PRMT3: variants seen among roughly 807,000 people sequenced by gnomAD.
The protein encoded by PRMT3 is protein arginine methyltransferase 3.
A neutral mutation model predicts 71.9 loss-of-function variants in PRMT3; 62 were observed. The ratio of observed to expected loss-of-function variants is 0.86; its 90% CI spans 0.70 to 1.07. PRMT3 has a LOEUF of 1.07. Ranked by LOEUF, PRMT3 falls within the 50% of genes least tolerant of loss-of-function variation. The pLI, the probability that PRMT3 is intolerant of heterozygous loss-of-function variation, is 0.00. For missense variants in PRMT3, 663 were observed against 643.0 expected (o/e 1.03, Z -0.34); for synonymous variants, 213 against 220.4 (o/e 0.97, Z 0.30).
At chr11:20,475,963 A>AC (rs1004275489) in intron 13 of PRMT3, among the ~76,000 whole-genome samples, 1 of 151,948 alleles carries the variant, frequency 6.6e-6, no homozygotes, top group African/African-American at 2.4e-5. Flanking sequence ...GGCATGAGCC[A>AC]CCGCCTTTTA....
At chr11:20,496,675 A>G (rs1226414043) in intron 15 of PRMT3, among the ~76,000 whole-genome samples, 1 of 152,014 alleles carries the variant, frequency 6.6e-6, no homozygotes, top group Non-Finnish European at 1.5e-5. Flanking sequence ...AAACTTTGTA[A>G]AAAATTGGAG....
At chr11:20,456,501 A>G (rs556887510) in intron 11 of PRMT3, among the ~76,000 whole-genome samples, 151 of 152,328 alleles carry the variant, frequency 9.9e-4, no homozygotes, top group Non-Finnish European at 1.7e-3. Context: ...TTGAAAATTA[A>G]TTGGCCATAT....
In PRMT3 at chr11:20,402,898, G is replaced by A. The variant is rs75598350; in HGVS notation, c.706-21G>A. ...GTTTAGACTGTCCTATAAACACAGC[G>A]TTTTCCTCTCTCCACCCTAGGACAA... is the stretch of plus-strand genomic sequence containing the variant. On this transcript the variant is annotated intron_variant, in intron 7 of 15. Coordinates refer to ENST00000331079, the MANE Select transcript of PRMT3 (RefSeq NM_005788.4). 1,980 of 1,585,600 alleles carry A rather than the reference G, an allele frequency of 1.2e-3. 14 individuals carry two copies. In the African/African-American group the frequency reaches 0.024, roughly 19 times the overall value.
At chr11:20,419,970 G>A (rs141773947) in intron 9 of PRMT3, among the ~76,000 whole-genome samples, 1 of 152,220 alleles carries the variant, frequency 6.6e-6, no homozygotes, top group East Asian at 1.9e-4. Context: ...CCAGGAGTTC[G>A]AGACCAGCCT....
At chr11:20,409,654 AACACACACACACACACACAC>A (rs60686099) in intron 9 of PRMT3, among the ~76,000 whole-genome samples, 2 of 144,238 alleles carry the variant, frequency 1.4e-5, no homozygotes, top group Admixed American at 7.0e-5. Context: ...GGAATACACA[AACACACACACACACACACAC>A]ACACACACAC....
Position 20,387,734 on chromosome 11 carries a change from G to A in PRMT3, c.-13G>A. 6.5e-7 allele frequency: 1 copy of A among 1,534,212 alleles called. No individual in the cohort carries two copies. The highest frequency in any genetic ancestry group is 1.2e-5 in the South Asian group (1 of 83,550). On this transcript the variant is annotated 5_prime_UTR_variant, in exon 1 of 16. Transcript: ENST00000331079. The surrounding 1 kb of genome is among the most constrained non-coding windows in gnomAD (Gnocchi z 4.3). ...CGCCCCCAGACACGCCGGGCTCTCG[G>A]GGCACCACAGCCATGTGCTCGTTAG...
intron 15 of PRMT3, among the ~76,000 whole-genome samples, chr11:20,496,557 C>T (rs1193016298): frequency 1.4e-5 from 2 of 144,618 alleles, no homozygotes; most frequent in East Asian, 2.1e-4. Flanking sequence ...ATGAAACAAG[C>T]AGCTCAGATT....
intron 10 of PRMT3, among the ~76,000 whole-genome samples, chr11:20,441,338 C>G (rs932222441): frequency 6.6e-6 from 1 of 150,796 alleles, no homozygotes; most frequent in Non-Finnish European, 1.5e-5. Context: ...TGGAGTCTCG[C>G]TCTTTCGCCC....
chr11:20,451,080 A>G (rs12363786), intron 10 of PRMT3, among the ~76,000 whole-genome samples: 4,349 of 152,242 alleles, frequency 0.029, 91 homozygotes, highest in Non-Finnish European at 0.041. Flanking sequence ...CTCAGTCATG[A>G]TTATTTGTCA....
intron 15 of PRMT3, among the ~76,000 whole-genome samples, chr11:20,501,928 A>AT (rs1380604685): frequency 6.6e-6 from 1 of 151,998 alleles, no homozygotes; most frequent in South Asian, 2.1e-4. Context: ...ATAATCTGGG[A>AT]TTTTTTTCTT....
chr11:20,445,921 T>C (rs1850017110), intron 10 of PRMT3, among the ~76,000 whole-genome samples: 1 of 152,198 alleles, frequency 6.6e-6, no homozygotes, highest in African/African-American at 2.4e-5. Context: ...TTATTTTCTA[T>C]AGATGTCGTT....
chr11:20,480,796 A>G lies in PRMT3; in HGVS notation c.1348-13123A>G, dbSNP rs192483733. Reference sequence around the variant, plus strand: ...ATAACTCCCATTGCTCTCAGTATCAATGATGACTCCAAGGTTTCTTACATG... The same window carrying G: ...ATAACTCCCATTGCTCTCAGTATCAGTGATGACTCCAAGGTTTCTTACATG... On this transcript the variant is annotated intron_variant, in intron 13 of 15. Coordinates refer to ENST00000331079, the MANE Select transcript of PRMT3 (RefSeq NM_005788.4). Among the ~76,000 whole-genome samples, 7 of 152,280 alleles carry G rather than the reference A, an allele frequency of 4.6e-5. No individual in the cohort carries two copies. In the East Asian group the frequency reaches 9.6e-4, roughly 21 times the overall value.
At chr11:20,415,001 CAGT>C (rs781031106) in intron 9 of PRMT3, among the ~76,000 whole-genome samples, 17 of 143,560 alleles carry the variant, frequency 1.2e-4, no homozygotes, top group Admixed American at 2.8e-4. Flanking sequence ...ATTTTAAAGA[CAGT>C]GGTGGTGGTA....
chr11:20,480,109 C>T lies in PRMT3; in HGVS notation c.1348-13810C>T, dbSNP rs144862333. 2.8e-3 allele frequency among the ~76,000 whole-genome samples: 424 copies of T among 152,210 alleles called. 1 individual carries two copies. Among genetic ancestry groups the T allele is most frequent in the African/African-American group, 9.7e-3 (404 of 41,534 alleles). On this transcript the variant is annotated intron_variant, in intron 13 of 15. Transcript: ENST00000331079. ...GAAGGATCGCTTGAAGCCAGAAGTT[C>T]GAGATCCATCTGGTCATGGACATCA...
intron 15 of PRMT3, among the ~76,000 whole-genome samples, chr11:20,504,564 T>C (rs999495389): frequency 1.3e-5 from 2 of 152,198 alleles, no homozygotes; most frequent in African/African-American, 2.4e-5. Context: ...AATTGACATC[T>C]TAACAACATT....
chr11:20,465,456 T>TAAG (rs1850490143), intron 13 of PRMT3, among the ~76,000 whole-genome samples: 1 of 152,028 alleles, frequency 6.6e-6, no homozygotes, highest in Non-Finnish European at 1.5e-5. Flanking sequence ...AAATAGATTA[T>TAAG]AAGTCATGTT....
chr11:20,472,065 G>C (rs1850659828), intron 13 of PRMT3, among the ~76,000 whole-genome samples: 1 of 152,178 alleles, frequency 6.6e-6, no homozygotes, highest in African/African-American at 2.4e-5. Flanking sequence ...CTGAGACTTT[G>C]CTGAAGTTGC....
chr11:20,396,038 G>A, intron 6 of PRMT3, 76 bp downstream of exon 6: 2 of 1,349,870 alleles, frequency 1.5e-6, no homozygotes, highest in Non-Finnish European at 2.0e-6. Flanking sequence ...GTAGAATATA[G>A]TAGAACATTT....
intron 2 of PRMT3, 74 bp from the exon 3 acceptor site, chr11:20,389,670 T>C (rs959769796): frequency 4.2e-6 from 4 of 950,086 alleles, no homozygotes; most frequent in Admixed American, 2.4e-5. Flanking sequence ...AAAAAAAAAG[T>C]GTATATGTAA....
Sources: allele counts gnomAD v4.1 joint callset (sites outside exome capture counted in the v4.1 genomes callset), GRCh38; gene constraint gnomAD v4.1.1; non-coding constraint Gnocchi (gnomAD v3.1); transcripts MANE v1.5; gene names NCBI Gene and HGNC (gene_info 2026-07-23, HGNC 2026-07-21).